Variants in GPC5 observed in about 807,000 individuals in gnomAD.
The protein encoded by GPC5 is glypican-5.
A neutral mutation model predicts 53.9 loss-of-function variants in GPC5; 47 were observed. The ratio of observed to expected loss-of-function variants is 0.87; its 90% CI spans 0.69 to 1.11. The LOEUF (loss-of-function observed/expected upper bound fraction) is 1.11. Ranked by LOEUF, GPC5 falls within the 50% of genes most tolerant of loss-of-function variation. The pLI, the probability that GPC5 is intolerant of heterozygous loss-of-function variation, is 0.00. For synonymous variants in GPC5, 286 were observed against 263.3 expected (o/e 1.09, Z -0.84); for missense variants, 748 against 713.1 (o/e 1.05, Z -0.56).
chr13:91,683,201 A>G (rs867464438), intron 2 of GPC5, among the ~76,000 whole-genome samples: 52 of 152,102 alleles, frequency 3.4e-4, no homozygotes, highest in African/African-American at 1.2e-3. Context: ...GTGAGATTAG[A>G]GTGATGTGGA....
At chr13:91,558,704 G>A (rs933793751) in intron 2 of GPC5, among the ~76,000 whole-genome samples, 5 of 151,980 alleles carry the variant, frequency 3.3e-5, no homozygotes, top group Non-Finnish European at 5.9e-5. Flanking sequence ...CTAGAGATAC[G>A]TTGAGACTGT....
intron 7 of GPC5, among the ~76,000 whole-genome samples, chr13:92,291,658 C>T (rs1358188048): frequency 6.6e-6 from 1 of 152,188 alleles, no homozygotes. Context: ...GGGTCCCCTT[C>T]CACAATGTCG....
At chr13:91,626,076 C>A (rs1792406426) in intron 2 of GPC5, among the ~76,000 whole-genome samples, 2 of 152,044 alleles carry the variant, frequency 1.3e-5, no homozygotes, top group South Asian at 2.1e-4. Context: ...TTCTAAGAAG[C>A]AATAACTGGT....
chr13:92,803,049 C>A (rs960388820), intron 7 of GPC5, among the ~76,000 whole-genome samples: 1 of 151,768 alleles, frequency 6.6e-6, no homozygotes, highest in African/African-American at 2.4e-5. Flanking sequence ...TGGACCCATT[C>A]CCCCAAATTT....
At chr13:91,788,242 C>G (rs1337469477) in intron 5 of GPC5, among the ~76,000 whole-genome samples, 2 of 152,140 alleles carry the variant, frequency 1.3e-5, no homozygotes, top group Non-Finnish European at 2.9e-5. Context: ...CTTGCTGTAT[C>G]CTAACATGGG....
intron 6 of GPC5, among the ~76,000 whole-genome samples, chr13:91,997,563 G>C (rs764480348): frequency 7.2e-5 from 11 of 152,150 alleles, no homozygotes; most frequent in Non-Finnish European, 1.5e-4. Flanking sequence ...CTGTCACCCA[G>C]ACAGGAGTGC....
chr13:91,431,518 G>T (rs1384725479), intron 1 of GPC5, among the ~76,000 whole-genome samples: 1 of 152,114 alleles, frequency 6.6e-6, no homozygotes, highest in African/African-American at 2.4e-5. Flanking sequence ...GCTATATTTT[G>T]TCTCCACGGT....
chr13:92,349,979 T>C (rs894548637), intron 7 of GPC5, among the ~76,000 whole-genome samples: 2 of 151,982 alleles, frequency 1.3e-5, no homozygotes, highest in Non-Finnish European at 2.9e-5. Context: ...GACATAAAAA[T>C]CCTCCATTAT....
intron 1 of GPC5, among the ~76,000 whole-genome samples, chr13:91,408,381 G>T (rs1877483975): frequency 6.6e-6 from 1 of 152,088 alleles, no homozygotes; most frequent in African/African-American, 2.4e-5. Flanking sequence ...TGTTGCAAAT[G>T]ACAGCATTTC....
At chr13:92,333,165 G>A (rs1055278390) in intron 7 of GPC5, among the ~76,000 whole-genome samples, 7 of 152,080 alleles carry the variant, frequency 4.6e-5, no homozygotes, top group Admixed American at 1.3e-4. Flanking sequence ...AACTCCAGGG[G>A]AACCCACAAA....
At chr13:92,108,222 A>G (rs2041525453) in intron 6 of GPC5, among the ~76,000 whole-genome samples, 1 of 152,190 alleles carries the variant, frequency 6.6e-6, no homozygotes, top group Non-Finnish European at 1.5e-5. Flanking sequence ...AGCAGTAAAG[A>G]ATATTATAAT....
chr13:92,698,448 A>G (rs1887629149), intron 7 of GPC5, among the ~76,000 whole-genome samples: 1 of 152,106 alleles, frequency 6.6e-6, no homozygotes, highest in Admixed American at 6.6e-5. Context: ...TAGTTTGCTG[A>G]GAATGATGGT....
chr13:92,607,652 T>G (rs1884298407), intron 7 of GPC5, among the ~76,000 whole-genome samples: 3 of 152,198 alleles, frequency 2.0e-5, no homozygotes, highest in Non-Finnish European at 4.4e-5. Context: ...TCCATTTTAA[T>G]TGATAAATAA....
At chr13:92,572,860 C>G (rs771025103) in intron 7 of GPC5, among the ~76,000 whole-genome samples, 63 of 152,100 alleles carry the variant, frequency 4.1e-4, no homozygotes, top group Admixed American at 7.9e-4. Context: ...ATTCCTGTAG[C>G]TCTTCCCAAA....
intron 6 of GPC5, among the ~76,000 whole-genome samples, chr13:91,986,061 CTT>C (rs779259362): frequency 2.1e-3 from 203 of 95,428 alleles, no homozygotes; most frequent in African/African-American, 8.6e-3. Context: ...TTAGCCAATA[CTT>C]TTTTTTTTTT....
intron 6 of GPC5, among the ~76,000 whole-genome samples, chr13:92,052,712 C>A (rs139651632): frequency 3.0e-3 from 452 of 152,216 alleles, no homozygotes; most frequent in African/African-American, 0.01. Context: ...TTTCCAAGTC[C>A]CCACTTGAGC....
intron 7 of GPC5, among the ~76,000 whole-genome samples, chr13:92,583,608 T>G (rs1435932188): frequency 3.9e-5 from 6 of 152,152 alleles, no homozygotes; most frequent in Admixed American, 2.6e-4. Flanking sequence ...ATGAGACAGT[T>G]GTAAGGAAAG....
chr13:92,038,414 G>T (rs902805101), intron 6 of GPC5, among the ~76,000 whole-genome samples: 1 of 151,284 alleles, frequency 6.6e-6, no homozygotes, highest in Non-Finnish European at 1.5e-5. Flanking sequence ...CTGTTTGGGT[G>T]GGGCATGGGA....
At chr13:91,562,952 C>T (rs767318516) in intron 2 of GPC5, among the ~76,000 whole-genome samples, 2 of 151,738 alleles carry the variant, frequency 1.3e-5, no homozygotes, top group Admixed American at 6.6e-5. Flanking sequence ...AATTGTGCAT[C>T]GTAGAGAAAA....
Sources: allele counts gnomAD v4.1 joint callset (sites outside exome capture counted in the v4.1 genomes callset), GRCh38; gene constraint gnomAD v4.1.1; transcripts MANE v1.5; gene names NCBI Gene and HGNC (gene_info 2026-07-23, HGNC 2026-07-21).